Variants in PALM2AKAP2 observed in about 807,000 individuals in gnomAD.
PALM2AKAP2 encodes PALM2 and AKAP2 fusion, also known as PALM2-AKAP2 fusion protein.
PALM2AKAP2 carries 37 observed loss-of-function variants against 71.5 expected under a neutral mutation model. That is an observed-to-expected ratio of 0.52 (90% CI 0.40 to 0.68). PALM2AKAP2 has a LOEUF of 0.68. Ranked by LOEUF, PALM2AKAP2 falls within the 30% of genes least tolerant of loss-of-function variation. The pLI, the probability that PALM2AKAP2 is intolerant of heterozygous loss-of-function variation, is 0.00. For synonymous variants in PALM2AKAP2, 468 were observed against 478.8 expected, an observed-to-expected ratio of 0.98 and a Z score of 0.29; for missense variants, 1,224 against 1,191.8, an observed-to-expected ratio of 1.03 and a Z score of -0.40.
intron 6 of PALM2AKAP2, among the ~76,000 whole-genome samples, chr9:109,935,957 C>G (rs942485067): frequency 6.6e-6 from 1 of 152,194 alleles, no homozygotes. Context: ...AAATCAGACA[C>G]AAGAAATTGG....
chr9:109,757,879 A>G (rs900091838), intron 1 of PALM2AKAP2, among the ~76,000 whole-genome samples: 8 of 151,962 alleles, frequency 5.3e-5, no homozygotes, highest in African/African-American at 1.9e-4. Context: ...TCATTGATTT[A>G]TCTATTTCAT....
At chr9:110,048,274 A>T (rs372064129), upstream of PALM2AKAP2, among the ~76,000 whole-genome samples, 6 of 152,234 alleles carry the variant, frequency 3.9e-5, no homozygotes, top group African/African-American at 1.4e-4. Flanking sequence ...GAGCGCACAC[A>T]GGCACTCACA....
intron 1 of PALM2AKAP2, among the ~76,000 whole-genome samples, chr9:109,643,956 C>G (rs1391308011): frequency 6.6e-6 from 1 of 152,002 alleles, no homozygotes; most frequent in East Asian, 1.9e-4. Context: ...AAGCAGAAGG[C>G]TGGCAAGTTG....
intron 6 of PALM2AKAP2, among the ~76,000 whole-genome samples, chr9:109,966,184 T>TGG (rs1429497148): frequency 3.3e-5 from 5 of 152,174 alleles, no homozygotes; most frequent in African/African-American, 1.2e-4. Flanking sequence ...AAGATCAATC[T>TGG]GGGGCATCGT....
At chr9:109,806,600 A>G (rs1827579127) in intron 1 of PALM2AKAP2, among the ~76,000 whole-genome samples, 1 of 152,174 alleles carries the variant, frequency 6.6e-6, no homozygotes, top group Non-Finnish European at 1.5e-5. Flanking sequence ...CCTTACTAAT[A>G]AGCTAGTGTT....
At chr9:109,675,533 T>A (rs1827635510) in intron 1 of PALM2AKAP2, among the ~76,000 whole-genome samples, 1 of 152,140 alleles carries the variant, frequency 6.6e-6, no homozygotes, top group Non-Finnish European at 1.5e-5. Context: ...ACGTATTTAG[T>A]TTTTTAATCA....
intron 1 of PALM2AKAP2, among the ~76,000 whole-genome samples, chr9:109,764,239 G>A (rs757953038): frequency 5.3e-5 from 8 of 151,966 alleles, no homozygotes; most frequent in Non-Finnish European, 8.8e-5. Flanking sequence ...TCACCTGCAG[G>A]GGAACATCTG....
chr9:109,869,347 G>C (rs919011292), intron 2 of PALM2AKAP2, among the ~76,000 whole-genome samples: 1 of 152,012 alleles, frequency 6.6e-6, no homozygotes, highest in Non-Finnish European at 1.5e-5. Context: ...TTGTTTGTTT[G>C]AGATGGAGTC....
intron 3 of PALM2AKAP2, 102 bp from the exon 11 acceptor site, chr9:110,168,297 C>A: frequency 1.4e-6 from 2 of 1,419,720 alleles, no homozygotes; most frequent in Non-Finnish European, 1.9e-6. Flanking sequence ...ACTTTCTCCT[C>A]TCAAGTTGAT....
intron 1 of PALM2AKAP2, among the ~76,000 whole-genome samples, chr9:109,702,771 T>G (rs558875829): frequency 4.2e-4 from 62 of 148,554 alleles, no homozygotes; most frequent in Non-Finnish European, 7.3e-4. Context: ...AAAAAGAAAA[T>G]AAATCCTTGG....
chr9:110,082,630 G>A (rs76174794), intron 1 of PALM2AKAP2, among the ~76,000 whole-genome samples: 2,023 of 152,078 alleles, frequency 0.013, 38 homozygotes, highest in African/African-American at 0.047. Context: ...ATCTACTTGC[G>A]CCCACCACCA....
chr9:110,165,300 AC>A (rs1836708689), intron 3 of PALM2AKAP2, among the ~76,000 whole-genome samples: 1 of 119,902 alleles, frequency 8.3e-6, no homozygotes, highest in Non-Finnish European at 1.9e-5. Flanking sequence ...ACACACACAC[AC>A]ACACACACAC....
At chr9:109,672,644 C>T (rs1252755717) in intron 1 of PALM2AKAP2, among the ~76,000 whole-genome samples, 3 of 152,064 alleles carry the variant, frequency 2.0e-5, no homozygotes, top group African/African-American at 7.2e-5. Context: ...AGAAGTCTCT[C>T]CTGCTCATTT....
At chr9:109,793,608 T>C (rs183220295) in intron 1 of PALM2AKAP2, among the ~76,000 whole-genome samples, 3 of 152,314 alleles carry the variant, frequency 2.0e-5, no homozygotes, top group Non-Finnish European at 2.9e-5. Context: ...AGGAGGAAAA[T>C]TGATTTTAGA....
intron 3 of PALM2AKAP2, among the ~76,000 whole-genome samples, chr9:109,899,960 C>G (rs1830292588): frequency 6.6e-6 from 1 of 152,196 alleles, no homozygotes; most frequent in African/African-American, 2.4e-5. Flanking sequence ...CCTCAGCTGC[C>G]TAGGGGTAAA....
At chr9:109,764,312 C>G (rs570064193) in intron 1 of PALM2AKAP2, among the ~76,000 whole-genome samples, 1 of 151,298 alleles carries the variant, frequency 6.6e-6, no homozygotes, top group African/African-American at 2.4e-5. Context: ...TCCCACCCCC[C>G]TCCATCTTGT....
At chr9:109,925,024 T>C in intron 4 of PALM2AKAP2, 37 bp from the exon 5 acceptor site, 2 of 1,613,978 alleles carry the variant, frequency 1.2e-6, no homozygotes, top group Non-Finnish European at 1.7e-6. Context: ...TACCCCCACA[T>C]GTAGAGTAAC....
At position 109,967,185 on chromosome 9, in the gene PALM2AKAP2, A is replaced by T. The variant is rs1486217853; in HGVS notation, c.496+35157A>T. ...GATGCTGGCTGGCTGTTGGGACCTC[A>T]GCTGGGGCTGTCAGCGAGAACATCT... On this transcript the variant is annotated intron_variant, in intron 6 of 9. Transcript: ENST00000302798. Among the ~76,000 whole-genome samples the T allele has an allele frequency of 2.0e-5, 3 of 152,114 alleles. No individual in the cohort carries two copies. The East Asian group carries it at 5.8e-4, about 29-fold the overall frequency.
chr9:109,715,472 T>G (rs1828303535), intron 1 of PALM2AKAP2, among the ~76,000 whole-genome samples: 1 of 152,158 alleles, frequency 6.6e-6, no homozygotes, highest in East Asian at 1.9e-4. Flanking sequence ...TTATCTCCGT[T>G]CTTCTTCCCA....
Sources: allele counts gnomAD v4.1 joint callset (sites outside exome capture counted in the v4.1 genomes callset), GRCh38; gene constraint gnomAD v4.1.1; transcripts MANE v1.5; gene names NCBI Gene and HGNC (gene_info 2026-07-23, HGNC 2026-07-21).